Variants in PPP1R15B observed in about 807,000 individuals in gnomAD.
The protein encoded by PPP1R15B is protein phosphatase 1, regulatory (inhibitor) subunit 15B.
In PPP1R15B, 31 loss-of-function variants were observed where a neutral mutation model predicts 53.9. That is an observed-to-expected ratio of 0.58 (90% CI 0.43 to 0.78). The LOEUF is 0.78. Among genes scored for constraint, PPP1R15B ranks in the 30% least tolerant of loss-of-function variants. The probability of loss-of-function intolerance (pLI) is 0.00; values close to 1 mark genes in which losing one functional copy is unlikely to be tolerated. For synonymous variants in PPP1R15B, 345 were observed against 329.1 expected (o/e 1.05, Z -0.52); for missense variants, 928 against 849.6 (o/e 1.09, Z -1.15).
Position 204,410,011 on chromosome 1 carries a change from G to A in PPP1R15B, c.1401C>T (p.Asp467=), listed in dbSNP as rs1674337005. Residue 467 remains aspartate, a synonymous_variant, in exon 1 of 2, where the codon GAC becomes GAT. Coordinates refer to ENST00000367188, the MANE Select transcript of PPP1R15B (RefSeq NM_032833.5). Reference sequence around the variant, plus strand: ...GAAGCCCTTCAGGGTCTTGTTCAAGGTCTGAGTCTGACAGTGAGCTATCAC... The same window carrying A: ...GAAGCCCTTCAGGGTCTTGTTCAAGATCTGAGTCTGACAGTGAGCTATCAC... ...FDSDSSLSDS[D]LEQDPEGLHL... 2.5e-6 allele frequency: 4 copies of A among 1,614,146 alleles called. No homozygotes were observed. The highest frequency in any genetic ancestry group is 3.4e-6 in the Non-Finnish European group (4 of 1,180,018).
Position 204,403,720 on chromosome 1 carries a change from C to T in PPP1R15B, c.*2372G>A, listed in dbSNP as rs1050368137. 1.0e-6 allele frequency: 1 copy of T among 984,880 alleles called. No homozygotes were observed. The highest frequency in any genetic ancestry group is 1.7e-5 in the African/African-American group (1 of 57,198). The allele number at this position is 984,880 out of a possible 1,614,324, so 61.0% of individuals were successfully genotyped here. A position where few individuals can be genotyped will look rare whatever the true frequency, so the allele number is the denominator to read the frequency against. On this transcript the variant is annotated 3_prime_UTR_variant, in exon 2 of 2. Coordinates refer to ENST00000367188, the MANE Select transcript of PPP1R15B (RefSeq NM_032833.5). Reference sequence around the variant, plus strand: ...AATGTATAAAATGTTTAATTAAAACCTCCAAAGATTTTCTCTTTAAGATTA... The same window carrying T: ...AATGTATAAAATGTTTAATTAAAACTTCCAAAGATTTTCTCTTTAAGATTA...
intron 1 of PPP1R15B, among the ~76,000 whole-genome samples, chr1:204,409,100 C>T (rs1000908463): frequency 2.0e-5 from 3 of 152,176 alleles, no homozygotes; most frequent in Non-Finnish European, 4.4e-5. Context: ...CATTTAAAAT[C>T]ATTTTAAAAC....
At chr1:204,408,844 C>T (rs1208101333) in intron 1 of PPP1R15B, among the ~76,000 whole-genome samples, 1 of 152,206 alleles carries the variant, frequency 6.6e-6, no homozygotes, top group African/African-American at 2.4e-5. Flanking sequence ...TAACCTGTAG[C>T]TGACCACTGA....
chr1:204,405,600 G>A lies in PPP1R15B; in HGVS notation c.*492C>T, dbSNP rs1674251645. Reference sequence around the variant, plus strand: ...CAAGGTTATTTTTTAGCCTAACATAGACAGGCCAAATCATTGAAATAAAAA... The same window carrying A: ...CAAGGTTATTTTTTAGCCTAACATAAACAGGCCAAATCATTGAAATAAAAA... On this transcript the variant is annotated 3_prime_UTR_variant, in exon 2 of 2. Transcript: ENST00000367188. 2.0e-6 allele frequency: 2 copies of A among 979,490 alleles called. No individual in the cohort carries two copies. The highest frequency in any genetic ancestry group is 2.4e-6 in the Non-Finnish European group (2 of 825,282). The allele number at this position is 979,490 out of a possible 1,614,324, so 60.7% of individuals were successfully genotyped here.
Position 204,404,306 on chromosome 1 carries a change from ACC to A in PPP1R15B, c.*1784_*1785del. ...AGACCAGTCTGGCCAACATAGCGAA[ACC>A]CCGTCTCTACTAAAAAGACACAAAA... On this transcript the variant is annotated 3_prime_UTR_variant, in exon 2 of 2. Coordinates refer to ENST00000367188, the MANE Select transcript of PPP1R15B (RefSeq NM_032833.5). 1 of 744,608 alleles carries A rather than the reference ACC, an allele frequency of 1.3e-6. No homozygotes were observed. The highest frequency in any genetic ancestry group is 1.6e-6 in the Non-Finnish European group (1 of 610,756). 46.1% of individuals were successfully genotyped at this position (744,608 alleles called of 1,614,324 possible). A position where few individuals can be genotyped will look rare whatever the true frequency, so the allele number is the denominator to read the frequency against.
chr1:204,409,751 T>C lies in PPP1R15B; in HGVS notation c.1661A>G (p.Lys554Arg), dbSNP rs1409813320. Residue 554 changes from lysine to arginine, a missense_variant, in exon 1 of 2, where the codon AAA becomes AGA. Physicochemically the swap from Lys to Arg is conservative, Grantham distance 26 (BLOSUM62 2). Transcript: ENST00000367188. ...ESSADEAESL[K>R]LWNSFCNSDD... The stretch of plus-strand genomic sequence containing the variant: ...AGAATTACAGAATGAGTTCCACAGT[T>C]TGAGACTCTCTGCTTCATCTGCACT... 3 of 1,614,040 alleles carry C rather than the reference T, an allele frequency of 1.9e-6. No homozygotes were observed. The highest frequency in any genetic ancestry group is 2.5e-6 in the Non-Finnish European group (3 of 1,180,046).
Position 204,405,823 on chromosome 1 carries a change from A to T in PPP1R15B, c.*269T>A, listed in dbSNP as rs1674255380. The T allele has an allele frequency of 1.7e-6, 2 of 1,156,664 alleles. No individual in the cohort carries two copies. Among genetic ancestry groups the T allele is most frequent in the Non-Finnish European group, 2.1e-6 (2 of 935,894 alleles). The allele number at this position is 1,156,664 out of a possible 1,614,324, so 71.7% of individuals were successfully genotyped here. A position where few individuals can be genotyped will look rare whatever the true frequency, so the allele number is the denominator to read the frequency against. ...CTCAAAAAGGTCCCCTTTCCACCTC[A>T]TGCAGGCAAAGGACATTTAAAAGCA... On this transcript the variant is annotated 3_prime_UTR_variant, in exon 2 of 2. Transcript: ENST00000367188.
chr1:204,406,209 TC>T lies in PPP1R15B; in HGVS notation c.2024del (p.Arg675GlnfsTer13). Reference sequence around the variant, plus strand: ...CAATAGCATCTTCTGTTTCTTGAATTCGTTTCTGGAACCTGCATCCATCCCT... The same window carrying T: ...CAATAGCATCTTCTGTTTCTTGAATTGTTTCTGGAACCTGCATCCATCCCT... ...FARDGCRFQK[R>X]IQETEDAIGY... is the part of the protein sequence containing the mutation. On this transcript the variant is annotated frameshift_variant, in exon 2 of 2. Transcript: ENST00000367188. LOFTEE classifies it high-confidence loss of function. 6.2e-7 allele frequency: 1 copy of T among 1,614,198 alleles called. No homozygotes were observed. Among genetic ancestry groups the T allele is most frequent in the African/African-American group, 1.3e-5 (1 of 75,060 alleles).
At position 204,404,982 on chromosome 1, in the gene PPP1R15B, T is replaced by TTA. The variant is rs1431835444; in HGVS notation, c.*1108_*1109dup. 2 of 984,832 alleles carry TTA rather than the reference T, an allele frequency of 2.0e-6. No individual in the cohort carries two copies. The highest frequency in any genetic ancestry group is 1.7e-5 in the African/African-American group (1 of 57,234). The allele number at this position is 984,832 out of a possible 1,614,324, so 61.0% of individuals were successfully genotyped here. On this transcript the variant is annotated 3_prime_UTR_variant, in exon 2 of 2. Coordinates refer to ENST00000367188, the MANE Select transcript of PPP1R15B (RefSeq NM_032833.5). ...AAAGGCCTTGCCATTACTTCTCTCA[T>TTA]TATTAAATAGTAGGACACAATAAAC...
rs183997344 is a variant in PPP1R15B at position 204,405,177 on chromosome 1, C to T, written c.*915G>A. 1.6e-3 allele frequency: 1,596 copies of T among 985,526 alleles called. 3 individuals carry two copies. The highest frequency in any genetic ancestry group is 1.8e-3 in the Non-Finnish European group (1,517 of 829,616). 61.0% of individuals were successfully genotyped at this position (985,526 alleles called of 1,614,324 possible). Reference sequence around the variant, plus strand: ...GAACATATACACCAAAACCAAATTGCTCTGAGATGTCTCCTATTTTCTTTC... The same window carrying T: ...GAACATATACACCAAAACCAAATTGTTCTGAGATGTCTCCTATTTTCTTTC... On this transcript the variant is annotated 3_prime_UTR_variant, in exon 2 of 2. Coordinates refer to ENST00000367188, the MANE Select transcript of PPP1R15B (RefSeq NM_032833.5).
chr1:204,411,459 C>G lies in PPP1R15B; in HGVS notation c.-48G>C, dbSNP rs765720083. On this transcript the variant is annotated 5_prime_UTR_variant, in exon 1 of 2. Transcript: ENST00000367188. ...CAGGTAGGGCCGCGGCGCTCAGCGG[C>G]TGGAGGTCGACGGGATTCGGAGGAA... is the stretch of plus-strand genomic sequence containing the variant. 41 of 1,573,506 alleles carry G rather than the reference C, an allele frequency of 2.6e-5. No homozygotes were observed. Among genetic ancestry groups the G allele is most frequent in the Non-Finnish European group, 3.3e-5 (38 of 1,165,414 alleles).
chr1:204,405,005 A>C lies in PPP1R15B; in HGVS notation c.*1087T>G. ...CATTATTAAATAGTAGGACACAATA[A>C]ACCTGGATATTGACTGAAGTTTATA... On this transcript the variant is annotated 3_prime_UTR_variant, in exon 2 of 2. Coordinates refer to ENST00000367188, the MANE Select transcript of PPP1R15B (RefSeq NM_032833.5). The C allele has an allele frequency of 4.1e-6, 4 of 985,586 alleles. No individual in the cohort carries two copies. The highest frequency in any genetic ancestry group is 4.8e-6 in the Non-Finnish European group (4 of 829,696). The allele number at this position is 985,586 out of a possible 1,614,324, so 61.1% of individuals were successfully genotyped here. A position where few individuals can be genotyped will look rare whatever the true frequency, so the allele number is the denominator to read the frequency against.
chr1:204,398,203 T>G (rs961668661), downstream of PPP1R15B, among the ~76,000 whole-genome samples: 2 of 152,140 alleles, frequency 1.3e-5, no homozygotes, highest in African/African-American at 2.4e-5. Context: ...AAGGGCCAAG[T>G]GAGGTGGCTC....
At position 204,404,134 on chromosome 1, in the gene PPP1R15B, T is replaced by C. The variant is rs1409015148; in HGVS notation, c.*1958A>G. On this transcript the variant is annotated 3_prime_UTR_variant, in exon 2 of 2. Transcript: ENST00000367188. ...ACGCCTGCTTTCCAACCGACATTGC[T>C]GTTGCTTGAAACTAGCCTGTTTTCA... The C allele has an allele frequency of 1.0e-6, 1 of 985,296 alleles. No individual in the cohort carries two copies. The highest frequency in any genetic ancestry group is 1.2e-6 in the Non-Finnish European group (1 of 829,924). 61.0% of individuals were successfully genotyped at this position (985,296 alleles called of 1,614,324 possible).
In PPP1R15B at chr1:204,406,057, G is replaced by A. The variant is rs773865460; in HGVS notation, c.*35C>T. 9.3e-6 allele frequency: 15 copies of A among 1,607,548 alleles called. No individual in the cohort carries two copies. Among genetic ancestry groups the A allele is most frequent in the Non-Finnish European group, 1.1e-5 (13 of 1,175,402 alleles). On this transcript the variant is annotated 3_prime_UTR_variant, in exon 2 of 2. Coordinates refer to ENST00000367188, the MANE Select transcript of PPP1R15B (RefSeq NM_032833.5). ...TTAAAAGACACCTCTCAGGTAAGAGGTAGTGTATGCTAGCTAGGACTACAG... is the reference window on the plus strand; with the variant it reads ...TTAAAAGACACCTCTCAGGTAAGAGATAGTGTATGCTAGCTAGGACTACAG...
downstream of PPP1R15B, among the ~76,000 whole-genome samples, chr1:204,398,370 A>G (rs1490137400): frequency 1.3e-5 from 2 of 152,162 alleles, no homozygotes; most frequent in Non-Finnish European, 2.9e-5. Flanking sequence ...GGTCCTAGCT[A>G]CTTGGGAGGC....
chr1:204,410,240 G>C lies in PPP1R15B; in HGVS notation c.1172C>G (p.Pro391Arg). The change falls in exon 1 of 2, where the codon CCT becomes CGT. Residue 391 changes from proline to arginine, a missense_variant. Pro to Arg is a moderately radical substitution (Grantham distance 103, BLOSUM62 -2). Transcript: ENST00000367188. Reference protein sequence around the residue: ...PSEGCPSSEIPMEKEPGEGRI... With the variant: ...PSEGCPSSEIRMEKEPGEGRI... ...GCCCTCTCCAGGCTCCTTTTCCATA[G>C]GTATCTCACTAGATGGACAGCCCTC... is the stretch of plus-strand genomic sequence containing the variant. 6.2e-7 allele frequency: 1 copy of C among 1,614,108 alleles called. No homozygotes were observed. Among genetic ancestry groups the C allele is most frequent in the Non-Finnish European group, 8.5e-7 (1 of 1,180,026 alleles).
In PPP1R15B at chr1:204,405,991, T is replaced by C; in HGVS notation, c.*101A>G. 3 of 1,126,512 alleles carry C rather than the reference T, an allele frequency of 2.7e-6. No individual in the cohort carries two copies. The highest frequency in any genetic ancestry group is 3.6e-6 in the Non-Finnish European group (3 of 840,850). 69.8% of individuals were successfully genotyped at this position (1,126,512 alleles called of 1,614,324 possible). A position where few individuals can be genotyped will look rare whatever the true frequency, so the allele number is the denominator to read the frequency against. On this transcript the variant is annotated 3_prime_UTR_variant, in exon 2 of 2. Transcript: ENST00000367188. Reference sequence around the variant, plus strand: ...AACTAGATCCAAGTTACATTTCCTCTAAAAAAAAAAATGTCAAAGGACAGC... The same window carrying C: ...AACTAGATCCAAGTTACATTTCCTCCAAAAAAAAAAATGTCAAAGGACAGC...
At chr1:204,408,934 C>G (rs950973184) in intron 1 of PPP1R15B, among the ~76,000 whole-genome samples, 3 of 152,166 alleles carry the variant, frequency 2.0e-5, no homozygotes, top group African/African-American at 7.2e-5. Context: ...CATGTAATGT[C>G]AAAACCAGTG....
Sources: allele counts gnomAD v4.1 joint callset (sites outside exome capture counted in the v4.1 genomes callset), GRCh38; gene constraint gnomAD v4.1.1; transcripts MANE v1.5; gene names NCBI Gene and HGNC (gene_info 2026-07-23, HGNC 2026-07-21).